The following SLC17A5 variants were observed in gnomAD, a reference collection of about 807,000 sequenced individuals.
SLC17A5 encodes solute carrier family 17 member 5, also known as sialin.
In SLC17A5, 47 loss-of-function variants were observed where a neutral mutation model predicts 59.4. That is an observed-to-expected ratio of 0.79 (90% confidence interval 0.63 to 1.01). SLC17A5 has a LOEUF of 1.01. Ranked by LOEUF, SLC17A5 falls within the 50% of genes least tolerant of loss-of-function variation. SLC17A5 has a pLI of 0.00. For synonymous variants in SLC17A5, 202 were observed against 210.7 expected (o/e 0.96, Z 0.36); for missense variants, 522 against 595.5 (o/e 0.88, Z 1.28).
chr6:73,645,290 T>C, intron 1 of SLC17A5: 2 of 984,552 alleles, frequency 2.0e-6, no homozygotes, highest in Non-Finnish European at 2.4e-6. Context: ...ATTTCTTACC[T>C]CGAAGAGTAT....
At chr6:73,638,770 G>T (rs1327398952) in intron 3 of SLC17A5, among the ~76,000 whole-genome samples, 1 of 151,610 alleles carries the variant, frequency 6.6e-6, no homozygotes, top group Non-Finnish European at 1.5e-5. Context: ...AGGAGTTCGA[G>T]ATCAGCCTGG....
chr6:73,603,868 AG>A (rs1194537748), intron 9 of SLC17A5, among the ~76,000 whole-genome samples: 1 of 152,012 alleles, frequency 6.6e-6, no homozygotes, highest in Admixed American at 6.6e-5. Flanking sequence ...TCTAGATCCT[AG>A]GGGGTTCATT....
At chr6:73,607,370 G>C (rs1300220076) in intron 9 of SLC17A5, among the ~76,000 whole-genome samples, 1 of 151,240 alleles carries the variant, frequency 6.6e-6, no homozygotes, top group Admixed American at 6.6e-5. Context: ...CCAGGTTCAA[G>C]TGATTTTCTG....
chr6:73,628,077 ACC>A (rs1768523356), intron 6 of SLC17A5, among the ~76,000 whole-genome samples: 2 of 151,726 alleles, frequency 1.3e-5, no homozygotes, highest in Non-Finnish European at 2.9e-5. Context: ...GTGCCACCAC[ACC>A]GGGTAATTTT....
At chr6:73,596,274 G>T (rs747328966) in intron 10 of SLC17A5, among the ~76,000 whole-genome samples, 3 of 152,142 alleles carry the variant, frequency 2.0e-5, no homozygotes, top group Non-Finnish European at 4.4e-5. Context: ...TCAGGTGAAA[G>T]GTGTCAGGTG....
At chr6:73,625,516 G>T (rs1768369540) in intron 6 of SLC17A5, among the ~76,000 whole-genome samples, 1 of 152,110 alleles carries the variant, frequency 6.6e-6, no homozygotes, top group South Asian at 2.1e-4. Flanking sequence ...TATGATCAAA[G>T]ATGTACAGAT....
intron 6 of SLC17A5, among the ~76,000 whole-genome samples, chr6:73,630,946 T>C (rs1461575596): frequency 6.6e-6 from 1 of 150,674 alleles, no homozygotes; most frequent in East Asian, 1.9e-4. Context: ...CTCGGGAGGC[T>C]GAGGCAGGAG....
chr6:73,612,826 A>G (rs748836503), intron 8 of SLC17A5, among the ~76,000 whole-genome samples: 2 of 152,138 alleles, frequency 1.3e-5, no homozygotes, highest in Non-Finnish European at 2.9e-5. Flanking sequence ...CTGAGGTGGG[A>G]GGATCGCTTG....
intron 9 of SLC17A5, among the ~76,000 whole-genome samples, chr6:73,602,632 G>C (rs140670430): frequency 0.048 from 7,247 of 151,988 alleles, 508 homozygotes; most frequent in African/African-American, 0.15. Context: ...AAAATTAGCC[G>C]GCCGTGATGG....
At chr6:73,600,511 T>A in intron 9 of SLC17A5, 70 bp from the exon 10 acceptor site, 5 of 604,012 alleles carry the variant, frequency 8.3e-6, no homozygotes, top group Non-Finnish European at 1.2e-5. Flanking sequence ...TTTCCTTCTT[T>A]TTTTTTTTTT....
At chr6:73,641,643 G>C in intron 3 of SLC17A5, 48 bp downstream of exon 3, 2 of 1,332,792 alleles carry the variant, frequency 1.5e-6, no homozygotes, top group Non-Finnish European at 2.1e-6. Context: ...AAGAAGAAGA[G>C]AAGGAGACAC....
intron 1 of SLC17A5, among the ~76,000 whole-genome samples, chr6:73,649,235 C>G (rs990581256): frequency 1.3e-5 from 2 of 152,200 alleles, no homozygotes; most frequent in Non-Finnish European, 2.9e-5. Flanking sequence ...TGACCTCAGG[C>G]AATCCGCCCA....
intron 1 of SLC17A5, chr6:73,653,509 C>T (rs1769968071): frequency 1.1e-6 from 1 of 942,804 alleles, no homozygotes; most frequent in Admixed American, 6.5e-5. Flanking sequence ...CCCCCGCCCC[C>T]GCCCCCGCCC....
chr6:73,617,327 A>C (rs77072753), intron 7 of SLC17A5, among the ~76,000 whole-genome samples: 35 of 152,180 alleles, frequency 2.3e-4, no homozygotes, highest in East Asian at 1.2e-3. Context: ...AGAAAAAAAA[A>C]CACAATTCCA....
Position 73,635,411 on chromosome 6 carries a change from C to T in SLC17A5, c.790G>A (p.Glu264Lys). Reference sequence around the variant, plus strand: ...TTTCTTAATGATGAAAGAATGTATTCCTTTTCATAATGGGAAATTCTCTTG... The same window carrying T: ...TTTCTTAATGATGAAAGAATGTATTTCTTTTCATAATGGGAAATTCTCTTG... Reference protein sequence around the residue: ...KHKRISHYEKEYILSSLRNQL... With the variant: ...KHKRISHYEKKYILSSLRNQL... The change falls in exon 6 of 11, where the codon GAA becomes AAA. Residue 264 changes from glutamate to lysine, a missense_variant. Physicochemically the swap from Glu to Lys is moderately conservative, Grantham distance 56. This residue lies in a region of SLC17A5 where 338 missense variants were observed against 363.8 expected (regional missense o/e 0.93). Coordinates refer to ENST00000355773, the MANE Select transcript of SLC17A5 (RefSeq NM_012434.5). The T allele has an allele frequency of 6.3e-7, 1 of 1,599,376 alleles. No homozygotes were observed. Among genetic ancestry groups the T allele is most frequent in the Non-Finnish European group, 8.6e-7 (1 of 1,168,096 alleles).
intron 2 of SLC17A5, among the ~76,000 whole-genome samples, chr6:73,643,021 T>C (rs1374174399): frequency 6.6e-6 from 1 of 152,090 alleles, no homozygotes; most frequent in East Asian, 1.9e-4. Context: ...TTCGGAGAGA[T>C]TTATTTTGTT....
At chr6:73,646,442 T>C (rs2150122338) in intron 1 of SLC17A5, among the ~76,000 whole-genome samples, 1 of 152,336 alleles carries the variant, frequency 6.6e-6, no homozygotes, top group South Asian at 2.1e-4. Flanking sequence ...AAACTTTTCA[T>C]TTGGCATTCT....
In SLC17A5 at chr6:73,641,816, C is replaced by G. The variant is rs1769299375; in HGVS notation, c.400G>C (p.Gly134Arg). 6.2e-7 allele frequency: 1 copy of G among 1,614,030 alleles called. No homozygotes were observed. Among genetic ancestry groups the G allele is most frequent in the South Asian group, 1.1e-5 (1 of 91,088 alleles). Residue 134 changes from glycine (G) to arginine (R), a missense_variant, in exon 3 of 11, where the codon GGG (glycine) becomes CGG (arginine). Transcript: ENST00000355773. Reference sequence around the variant, plus strand: ...CCAAATCCTAGCAGCATTTTCCCCCCTATTTTGCTGGCAACATATCCTCCA... The same window carrying G: ...CCAAATCCTAGCAGCATTTTCCCCCGTATTTTGCTGGCAACATATCCTCCA... ...IPGGYVASKIGGKMLLGFGIL... is the reference protein window; with the variant it reads ...IPGGYVASKIRGKMLLGFGIL...
At chr6:73,646,585 T>C (rs1182345773) in intron 1 of SLC17A5, among the ~76,000 whole-genome samples, 1 of 152,216 alleles carries the variant, frequency 6.6e-6, no homozygotes, top group Non-Finnish European at 1.5e-5. Context: ...GCGAATTTGC[T>C]TTCTGCTGCA....
Sources: gnomAD v4.1 joint callset for allele counts (sites outside exome capture counted in the v4.1 genomes callset) on GRCh38, gnomAD v4.1.1 for gene constraint, gnomAD v4.1.1 regional missense constraint, MANE v1.5 for transcripts, NCBI Gene and HGNC (gene_info 2026-07-23, HGNC 2026-07-21) for gene names.